Variants in NRXN3 observed in about 807,000 individuals in gnomAD.
NRXN3 encodes the protein neurexin 3.
Under a neutral mutation model 137.6 loss-of-function variants are expected in NRXN3, and 32 were observed. The ratio of observed to expected loss-of-function variants is 0.23; its 90% CI spans 0.18 to 0.31. NRXN3 has a LOEUF of 0.31. NRXN3 is among the 10% of genes least tolerant of loss of function. The probability of loss-of-function intolerance (pLI) is 1.00; values close to 1 mark genes in which losing one functional copy is unlikely to be tolerated. For synonymous variants in NRXN3, 798 were observed against 784.5 expected, an observed-to-expected ratio of 1.02 and a Z score of -0.29; for missense variants, 1,574 against 2,062.5, an observed-to-expected ratio of 0.76 and a Z score of 4.59.
In NRXN3 at chr14:78,221,918, A is replaced by T. The variant is rs533415052; in HGVS notation, c.-703-20473A>T. Among the ~76,000 whole-genome samples, 6 of 152,252 alleles carry T rather than the reference A, an allele frequency of 3.9e-5. No homozygotes were observed. In the South Asian group the frequency reaches 1.0e-3, roughly 26 times the overall value. On this transcript the variant is annotated intron_variant, in intron 1 of 20. Transcript: ENST00000335750. ...CAGAATTCAAGATATGGGGAAATAG[A>T]CTCCACCCATGCAGGCAGGAGGCGA...
intron 8 of NRXN3, among the ~76,000 whole-genome samples, chr14:78,799,875 C>T (rs1262953727): frequency 2.6e-5 from 4 of 151,934 alleles, no homozygotes; most frequent in African/African-American, 9.7e-5. Flanking sequence ...GGGGAAACTG[C>T]CCCCATGATT....
intron 1 of NRXN3, among the ~76,000 whole-genome samples, chr14:78,229,419 G>T (rs1259798952): frequency 1.3e-5 from 2 of 152,054 alleles, no homozygotes. Flanking sequence ...TTGCACACTT[G>T]CTTGATGATC....
intron 19 of NRXN3, among the ~76,000 whole-genome samples, chr14:79,777,476 T>TA (rs35166061): frequency 0.36 from 51,190 of 144,180 alleles, 9,146 homozygotes; most frequent in Middle Eastern, 0.45. Context: ...GGAATTTTTC[T>TA]AAAAAAAAAA....
At chr14:79,241,959 C>T (rs1440572166) in intron 15 of NRXN3, among the ~76,000 whole-genome samples, 1 of 151,688 alleles carries the variant, frequency 6.6e-6, no homozygotes, top group African/African-American at 2.4e-5. Context: ...CCCAGCTATT[C>T]GGGAGGCTGA....
intron 10 of NRXN3, among the ~76,000 whole-genome samples, chr14:78,841,545 A>C (rs2099012516): frequency 6.6e-6 from 1 of 151,848 alleles, no homozygotes; most frequent in South Asian, 2.1e-4. Flanking sequence ...TCTCAAATTC[A>C]CTTATGATGA....
intron 15 of NRXN3, among the ~76,000 whole-genome samples, chr14:79,177,772 A>C (rs1263012753): frequency 6.6e-6 from 1 of 152,236 alleles, no homozygotes; most frequent in Non-Finnish European, 1.5e-5. Context: ...AACGAAAATG[A>C]GAGAAAATAG....
At chr14:78,946,288 ACAGG>A (rs1173729770) in intron 10 of NRXN3, among the ~76,000 whole-genome samples, 2 of 152,236 alleles carry the variant, frequency 1.3e-5, no homozygotes, top group Non-Finnish European at 2.9e-5. Context: ...ATACAGAAAT[ACAGG>A]TCTTGGTCTA....
At chr14:78,679,215 G>A (rs1205781845) in intron 6 of NRXN3, among the ~76,000 whole-genome samples, 2 of 152,096 alleles carry the variant, frequency 1.3e-5, no homozygotes, top group African/African-American at 4.8e-5. Context: ...TAGTAGATAC[G>A]AAATCCTTAT....
At chr14:78,357,469 CTTAAAAA>C (rs886920647) in intron 4 of NRXN3, among the ~76,000 whole-genome samples, 47 of 152,246 alleles carry the variant, frequency 3.1e-4, no homozygotes, top group African/African-American at 1.1e-3. Context: ...ATCAAGGGAT[CTTAAAAA>C]GACATGGAGG....
At chr14:79,209,042 G>C (rs1007486726) in intron 15 of NRXN3, among the ~76,000 whole-genome samples, 1 of 152,046 alleles carries the variant, frequency 6.6e-6, no homozygotes, top group African/African-American at 2.4e-5. Flanking sequence ...GGGTTCAAAC[G>C]ATTCTCCTGC....
At chr14:79,265,231 CTTTTTTTTT>C (rs936690790) in intron 15 of NRXN3, among the ~76,000 whole-genome samples, 63 of 91,890 alleles carry the variant, frequency 6.9e-4, no homozygotes, top group African/African-American at 2.3e-3. Context: ...GGGGGTTGCT[CTTTTTTTTT>C]TTTTTTTTTT....
At chr14:79,776,276 A>G (rs987127313) in intron 19 of NRXN3, among the ~76,000 whole-genome samples, 37 of 152,218 alleles carry the variant, frequency 2.4e-4, no homozygotes, top group African/African-American at 8.2e-4. Flanking sequence ...CCTTGACTGT[A>G]GAATTGTTGG....
intron 15 of NRXN3, among the ~76,000 whole-genome samples, chr14:79,257,208 G>A (rs1028964216): frequency 1.5e-4 from 23 of 152,082 alleles, no homozygotes; most frequent in African/African-American, 5.1e-4. Flanking sequence ...AAAATAAGAT[G>A]TGCTGCTAAA....
chr14:78,577,960 A>G (rs896874221), intron 4 of NRXN3, among the ~76,000 whole-genome samples: 9 of 152,116 alleles, frequency 5.9e-5, no homozygotes, highest in African/African-American at 2.2e-4. Flanking sequence ...TTTTGGTTTT[A>G]TAAGAGTGCT....
intron 15 of NRXN3, among the ~76,000 whole-genome samples, chr14:79,343,663 A>G (rs563640879): frequency 1.4e-4 from 22 of 152,300 alleles, no homozygotes; most frequent in African/African-American, 3.4e-4. Context: ...TTCCCTTTCA[A>G]TTTGAGTTGG....
intron 16 of NRXN3, among the ~76,000 whole-genome samples, chr14:79,541,016 C>T (rs2097266997): frequency 1.3e-5 from 2 of 152,160 alleles, no homozygotes; most frequent in Admixed American, 6.5e-5. Flanking sequence ...GCCTCTCTCC[C>T]AGCTTCTGGT....
At position 79,648,204 on chromosome 14, in the gene NRXN3, AC is replaced by A. The variant is rs1300536890; in HGVS notation, c.3445-15573del. 1.6e-4 allele frequency among the ~76,000 whole-genome samples: 22 copies of A among 134,304 alleles called. 2 individuals carry two copies. Among genetic ancestry groups the A allele is most frequent in the African/African-American group, 5.2e-4 (21 of 40,590 alleles). The allele number at this position is 134,304 out of a possible 152,430, so 88.1% of individuals were successfully genotyped here. On this transcript the variant is annotated intron_variant, in intron 16 of 20. Transcript: ENST00000335750. ...CTATACAAAACAAACAAACAAACAA[AC>A]AAACAAAAAACAGAAAACTTGATGA...
intron 15 of NRXN3, among the ~76,000 whole-genome samples, chr14:79,269,110 C>T (rs1045633935): frequency 7.2e-5 from 11 of 151,794 alleles, no homozygotes; most frequent in African/African-American, 2.7e-4. Flanking sequence ...AGTGCAGTGG[C>T]ACAATCTCGG....
At chr14:78,348,406 A>G (rs1196841885) in intron 4 of NRXN3, among the ~76,000 whole-genome samples, 1 of 152,232 alleles carries the variant, frequency 6.6e-6, no homozygotes, top group Admixed American at 6.5e-5. Context: ...AGGGCTTGCG[A>G]TAAGGATTCC....
Sources: allele counts gnomAD v4.1 joint callset (sites outside exome capture counted in the v4.1 genomes callset), GRCh38; gene constraint gnomAD v4.1.1; transcripts MANE v1.5; gene names NCBI Gene and HGNC (gene_info 2026-07-23, HGNC 2026-07-21).